COBL: variants seen among roughly 807,000 people sequenced by gnomAD.
COBL encodes the protein protein cordon-bleu.
Under a neutral mutation model 98.8 loss-of-function variants are expected in COBL, and 51 were observed. That is an observed-to-expected ratio of 0.52 (90% CI 0.41 to 0.65). The LOEUF is 0.65. Ranked by LOEUF, COBL falls within the 30% of genes least tolerant of loss-of-function variation. The pLI, the probability that COBL is intolerant of heterozygous loss-of-function variation, is 0.00. For synonymous variants in COBL, 634 were observed against 651.7 expected, an observed-to-expected ratio of 0.97 and a Z score of 0.41; for missense variants, 1,617 against 1,617.5, an observed-to-expected ratio of 1.00 and a Z score of 0.01.
chr7:51,132,786 C>T (rs755554689), intron 6 of COBL, among the ~76,000 whole-genome samples: 6 of 152,018 alleles, frequency 3.9e-5, no homozygotes, highest in African/African-American at 9.7e-5. Flanking sequence ...AAGGCAAAGG[C>T]GGATTAGGCA....
At chr7:51,273,506 G>T (rs1798982557) in intron 1 of COBL, among the ~76,000 whole-genome samples, 1 of 152,152 alleles carries the variant, frequency 6.6e-6, no homozygotes, top group Non-Finnish European at 1.5e-5. Context: ...CATATCTGCA[G>T]TGACATTCCT....
At chr7:51,043,859 TTAACTCACAGGGAG>T (rs1261864393) in intron 7 of COBL, among the ~76,000 whole-genome samples, 167 bp from the exon 8 acceptor site, 1 of 152,244 alleles carries the variant, frequency 6.6e-6, no homozygotes, top group African/African-American at 2.4e-5. Context: ...CTGAAACATT[TTAACTCACAGGGAG>T]TCATTTGTGT....
chr7:51,260,933 C>T (rs954007566), intron 1 of COBL, among the ~76,000 whole-genome samples: 1 of 152,154 alleles, frequency 6.6e-6, no homozygotes, highest in African/African-American at 2.4e-5. Flanking sequence ...TCACATCCTG[C>T]CTTTCCCCAA....
At chr7:51,153,308 A>T (rs935642827) in intron 5 of COBL, among the ~76,000 whole-genome samples, 3 of 152,146 alleles carry the variant, frequency 2.0e-5, no homozygotes, top group African/African-American at 7.2e-5. Flanking sequence ...TTACCAATTA[A>T]TTATTACTGA....
At chr7:51,304,849 T>C (rs546425887) in intron 1 of COBL, among the ~76,000 whole-genome samples, 2 of 152,344 alleles carry the variant, frequency 1.3e-5, no homozygotes, top group African/African-American at 4.8e-5. Context: ...GCCTTAGTCA[T>C]GAGGGATGAG....
intron 5 of COBL, among the ~76,000 whole-genome samples, chr7:51,138,628 C>T (rs1478714631): frequency 6.6e-6 from 1 of 152,222 alleles, no homozygotes; most frequent in Non-Finnish European, 1.5e-5. Context: ...TCATCCATAA[C>T]GTCTGCTGAC....
At chr7:51,271,311 C>T (rs1264667975) in intron 1 of COBL, among the ~76,000 whole-genome samples, 1 of 152,224 alleles carries the variant, frequency 6.6e-6, no homozygotes, top group African/African-American at 2.4e-5. Context: ...CTGGCTCCTG[C>T]TCAATGCACC....
chr7:51,262,636 GCAGTCACCAT>G (rs1272702631), intron 1 of COBL, among the ~76,000 whole-genome samples: 1 of 152,206 alleles, frequency 6.6e-6, no homozygotes, highest in African/African-American at 2.4e-5. Context: ...CATTCGCCAT[GCAGTCACCAT>G]CACATGGACG....
At chr7:51,031,176 T>C (rs1788108102) in intron 8 of COBL, 2 of 402,986 alleles carry the variant, frequency 5.0e-6, no homozygotes, top group Admixed American at 8.6e-5. Context: ...GGACATGTGA[T>C]ATATGGTGTG....
chr7:51,069,775 T>G (rs1792323521), intron 7 of COBL, among the ~76,000 whole-genome samples: 1 of 152,250 alleles, frequency 6.6e-6, no homozygotes, highest in African/African-American at 2.4e-5. Flanking sequence ...GCATCCACTC[T>G]TTAAATCTTG....
At chr7:51,236,102 A>C (rs534956449) in intron 1 of COBL, among the ~76,000 whole-genome samples, 1 of 152,162 alleles carries the variant, frequency 6.6e-6, no homozygotes, top group Admixed American at 6.5e-5. Context: ...AACGCTGACC[A>C]ACACTCAAAT....
intron 5 of COBL, among the ~76,000 whole-genome samples, chr7:51,173,839 G>A (rs979021376): frequency 1.3e-5 from 2 of 152,088 alleles, no homozygotes. Flanking sequence ...AAAGATATTT[G>A]CTATCCTTTA....
At chr7:51,218,012 A>G (rs1246500933) in intron 2 of COBL, among the ~76,000 whole-genome samples, 1 of 152,148 alleles carries the variant, frequency 6.6e-6, no homozygotes, top group Non-Finnish European at 1.5e-5. Flanking sequence ...CCCTCCTGCT[A>G]TGATCACAGC....
intron 7 of COBL, among the ~76,000 whole-genome samples, chr7:51,067,023 A>G (rs137885768): frequency 9.5e-4 from 144 of 152,364 alleles, no homozygotes; most frequent in South Asian, 5.2e-3. Flanking sequence ...GAGGCCTGAC[A>G]ATAACTTCTG....
At chr7:51,158,036 G>A (rs995128167) in intron 5 of COBL, among the ~76,000 whole-genome samples, 1 of 152,208 alleles carries the variant, frequency 6.6e-6, no homozygotes, top group African/African-American at 2.4e-5. Context: ...TGCCCCTGGG[G>A]AAGGAAGAAG....
intron 8 of COBL, among the ~76,000 whole-genome samples, chr7:51,043,154 G>A (rs1416528235): frequency 6.6e-6 from 1 of 152,060 alleles, no homozygotes; most frequent in Non-Finnish European, 1.5e-5. Context: ...TATACTTAAG[G>A]GTATGGTACC....
intron 1 of COBL, among the ~76,000 whole-genome samples, chr7:51,275,894 T>C (rs566197304): frequency 6.6e-6 from 1 of 152,310 alleles, no homozygotes; most frequent in South Asian, 2.1e-4. Flanking sequence ...TTTCTTTTCC[T>C]CTGACCTGCT....
At chr7:51,308,474 T>C (rs1473913600) in intron 1 of COBL, among the ~76,000 whole-genome samples, 3 of 152,204 alleles carry the variant, frequency 2.0e-5, no homozygotes, top group Non-Finnish European at 4.4e-5. Flanking sequence ...TTATGTTCCT[T>C]AGCCTTAGTT....
chr7:51,195,064 T>C (rs1187792103), intron 2 of COBL, among the ~76,000 whole-genome samples: 1 of 152,216 alleles, frequency 6.6e-6, no homozygotes, highest in Admixed American at 6.5e-5. Context: ...GCAATTGGTT[T>C]CGGAGTCTTC....
Sources: gnomAD v4.1 joint callset for allele counts (sites outside exome capture counted in the v4.1 genomes callset) on GRCh38, gnomAD v4.1.1 for gene constraint, MANE v1.5 for transcripts, NCBI Gene and HGNC (gene_info 2026-07-23, HGNC 2026-07-21) for gene names.